Variants in SPATS2L observed in about 807,000 individuals in gnomAD.
SPATS2L encodes the protein SPATS2-like protein.
SPATS2L carries 30 observed loss-of-function variants against 59.6 expected under a neutral mutation model. The ratio of observed to expected loss-of-function variants is 0.50; its 90% CI spans 0.38 to 0.68. SPATS2L has a LOEUF of 0.68. SPATS2L is among the 30% of genes least tolerant of loss of function. SPATS2L has a pLI of 0.00. For missense variants in SPATS2L, 615 were observed against 700.0 expected (o/e 0.88, Z 1.37); for synonymous variants, 252 against 263.5 (o/e 0.96, Z 0.42).
rs146482107 is a variant in SPATS2L at position 200,418,581 on chromosome 2, TAATAAATAAATAAATA to T, written c.199-647_199-632del. 5.1e-3 allele frequency among the ~76,000 whole-genome samples: 740 copies of T among 145,400 alleles called. 3 individuals carry two copies. Among genetic ancestry groups the T allele is most frequent in the Middle Eastern group, 0.014 (4 of 284 alleles). On this transcript the variant is annotated intron_variant, in intron 5 of 12. Transcript: ENST00000409140. ...AGAGCCAGAGTGAGACCTTATTAAA[TAATAAATAAATAAATA>T]AATAAATAAATAAATAAATAATCAT...
chr2:200,306,494 A>C, upstream of SPATS2L: 1 of 1,002,196 alleles, frequency 1.0e-6, no homozygotes, highest in Non-Finnish European at 1.2e-6. Flanking sequence ...GAGGGACGAG[A>C]TCTGTGTCAG....
intron 2 of SPATS2L, among the ~76,000 whole-genome samples, chr2:200,380,150 CT>C (rs1191451927): frequency 5.3e-5 from 8 of 152,214 alleles, no homozygotes; most frequent in Non-Finnish European, 1.2e-4. Flanking sequence ...CCTCCTCCCC[CT>C]GTGCTTGCAC....
intron 3 of SPATS2L, among the ~76,000 whole-genome samples, chr2:200,391,085 G>C (rs897160637): frequency 6.6e-6 from 1 of 152,136 alleles, no homozygotes; most frequent in South Asian, 2.1e-4. Flanking sequence ...GCTTATACCT[G>C]GGAGGCAGAG....
At chr2:200,340,543 G>C (rs1402446854) in intron 2 of SPATS2L, among the ~76,000 whole-genome samples, 1 of 152,052 alleles carries the variant, frequency 6.6e-6, no homozygotes, top group Non-Finnish European at 1.5e-5. Flanking sequence ...TGCCATCTTT[G>C]TTCTCTGCTC....
intron 3 of SPATS2L, 134 bp from the exon 4 acceptor site, chr2:200,412,177 G>A: frequency 1.8e-6 from 1 of 544,358 alleles, no homozygotes; most frequent in Admixed American, 3.5e-5. Context: ...GAGTATGCTT[G>A]ATGACAAGAA....
chr2:200,337,710 T>A (rs1357183224), intron 2 of SPATS2L, among the ~76,000 whole-genome samples: 1 of 152,202 alleles, frequency 6.6e-6, no homozygotes, highest in Non-Finnish European at 1.5e-5. Flanking sequence ...GTGAGAGAGA[T>A]GTGGCTTTGT....
intron 8 of SPATS2L, among the ~76,000 whole-genome samples, chr2:200,449,667 T>C (rs2085306284): frequency 6.6e-6 from 1 of 152,236 alleles, no homozygotes; most frequent in Admixed American, 6.5e-5. Context: ...TACTAGAGTA[T>C]GGTCTTTTAA....
At chr2:200,329,346 C>A in intron 1 of SPATS2L, 85 bp from the exon 2 acceptor site, 2 of 1,130,020 alleles carry the variant, frequency 1.8e-6, no homozygotes, top group Non-Finnish European at 2.6e-6. Flanking sequence ...AGATCCTGTG[C>A]TTGGGTTTTG....
chr2:200,469,620 C>A, intron 10 of SPATS2L: 1 of 269,902 alleles, frequency 3.7e-6, no homozygotes, highest in Non-Finnish European at 7.0e-6. Flanking sequence ...CAGAAAAGTA[C>A]TAGGAGGGCG....
Position 200,477,761 on chromosome 2 carries a change from C to G in SPATS2L, c.1407C>G (p.His469Gln), listed in dbSNP as rs200186594. The change falls in exon 13 of 13, where the codon CAC (histidine) becomes CAG (glutamine). Residue 469 changes from histidine to glutamine, a missense_variant. Coordinates refer to ENST00000409140, the MANE Select transcript of SPATS2L (RefSeq NM_001100423.2). ...CACTGGGAAAGGGCAACAGCCGCCA[C>G]GAACACAGAAGACAGCCGCACAACG... ...AEPLGKGNSR[H>Q]EHRRQPHNGF... The G allele has an allele frequency of 3.0e-5, 47 of 1,581,834 alleles. No homozygotes were observed. The highest frequency in any genetic ancestry group is 3.8e-5 in the Non-Finnish European group (44 of 1,163,900).
chr2:200,351,693 C>T (rs934238431), intron 2 of SPATS2L, among the ~76,000 whole-genome samples: 3 of 150,184 alleles, frequency 2.0e-5, no homozygotes, highest in South Asian at 4.4e-4. Context: ...CCTTCAGTAG[C>T]GAGGAGTTAT....
intron 10 of SPATS2L, 22 bp from the exon 11 acceptor site, chr2:200,469,891 TG>T: frequency 6.3e-7 from 1 of 1,586,322 alleles, no homozygotes; most frequent in Non-Finnish European, 8.6e-7. Context: ...ATGGGGTTCC[TG>T]CTTTTCATCT....
intron 1 of SPATS2L, among the ~76,000 whole-genome samples, chr2:200,315,917 C>T (rs1242843084): frequency 4.1e-5 from 6 of 144,634 alleles, no homozygotes; most frequent in East Asian, 2.1e-4. Flanking sequence ...CCCAGCTACT[C>T]GGGAGGCTGA....
At chr2:200,312,413 ATGGTC>A (rs1481477762) in intron 1 of SPATS2L, among the ~76,000 whole-genome samples, 1 of 152,210 alleles carries the variant, frequency 6.6e-6, no homozygotes, top group Non-Finnish European at 1.5e-5. Context: ...ACGGAGTCCC[ATGGTC>A]TGTAAAGCTA....
rs1320941366 is a variant in SPATS2L at position 200,479,829 on chromosome 2, G to A, written c.*1798G>A. Reference sequence around the variant, plus strand: ...TCTGTTTCTTCTTTTGCCAAGTACAGGAGGATGTTTGCTCTCTCTGTAGAG... The same window carrying A: ...TCTGTTTCTTCTTTTGCCAAGTACAAGAGGATGTTTGCTCTCTCTGTAGAG... On this transcript the variant is annotated 3_prime_UTR_variant, in exon 13 of 13. Transcript: ENST00000409140. 2.5e-6 allele frequency: 1 copy of A among 398,248 alleles called. No homozygotes were observed. Among genetic ancestry groups the A allele is most frequent in the Non-Finnish European group, 4.4e-6 (1 of 226,074 alleles). 24.7% of individuals were successfully genotyped at this position (398,248 alleles called of 1,614,324 possible). A position where few individuals can be genotyped will look rare whatever the true frequency, so the allele number is the denominator to read the frequency against.
At chr2:200,405,886 C>T (rs1347438313) in intron 3 of SPATS2L, among the ~76,000 whole-genome samples, 1 of 152,172 alleles carries the variant, frequency 6.6e-6, no homozygotes, top group Non-Finnish European at 1.5e-5. Flanking sequence ...TATGCTCTGC[C>T]TGGCACCCAG....
chr2:200,306,863 G>T lies in SPATS2L; in HGVS notation c.-132G>T. The T allele has an allele frequency of 1.0e-6, 1 of 980,962 alleles. No homozygotes were observed. Among genetic ancestry groups the T allele is most frequent in the Non-Finnish European group, 1.2e-6 (1 of 828,180 alleles). The allele number at this position is 980,962 out of a possible 1,614,324, so 60.8% of individuals were successfully genotyped here. On this transcript the variant is annotated 5_prime_UTR_variant, in exon 1 of 13. Transcript: ENST00000409140. Reference sequence around the variant, plus strand: ...CCACCGCCGCGGCGCCTCCCCTGGCGACCGCGCCCCCGGGCCCCGGCTCCG... The same window carrying T: ...CCACCGCCGCGGCGCCTCCCCTGGCTACCGCGCCCCCGGGCCCCGGCTCCG...
intron 3 of SPATS2L, among the ~76,000 whole-genome samples, chr2:200,402,164 C>T (rs776073689): frequency 2.6e-5 from 4 of 152,224 alleles, no homozygotes; most frequent in African/African-American, 4.8e-5. Context: ...AGAATCCTAA[C>T]AGGAATCCAT....
chr2:200,401,694 T>C (rs1449947420), intron 3 of SPATS2L, among the ~76,000 whole-genome samples: 1 of 151,634 alleles, frequency 6.6e-6, no homozygotes, highest in Non-Finnish European at 1.5e-5. Flanking sequence ...GATATTAGAG[T>C]CCCTGGGAAA....
Sources: gnomAD v4.1 joint callset for allele counts (sites outside exome capture counted in the v4.1 genomes callset) on GRCh38, gnomAD v4.1.1 for gene constraint, MANE v1.5 for transcripts, NCBI Gene and HGNC (gene_info 2026-07-23, HGNC 2026-07-21) for gene names.